Variants in INF2 observed in about 807,000 individuals in gnomAD.
INF2 encodes the protein inverted formin 2, also known as inverted formin-2.
INF2 carries 43 observed loss-of-function variants against 123.5 expected under a neutral mutation model. The ratio of observed to expected loss-of-function variants is 0.35; its 90% confidence interval spans 0.27 to 0.45. The LOEUF (loss-of-function observed/expected upper bound fraction) is 0.45. Among genes scored for constraint, INF2 ranks in the 20% least tolerant of loss-of-function variants. The probability of loss-of-function intolerance (pLI) is 1.00; values close to 1 mark genes in which losing one functional copy is unlikely to be tolerated. For missense variants in INF2, 1,453 were observed against 1,682.7 expected (o/e 0.86, Z 2.39); for synonymous variants, 851 against 745.0 (o/e 1.14, Z -2.32).
At position 104,681,469 on chromosome 14, in the gene INF2, C is replaced by T. The variant is rs1460500794; in HGVS notation, c.-217C>T. 3.8e-5 allele frequency: 32 copies of T among 833,640 alleles called. No individual in the cohort carries two copies. The Admixed American group carries it at 7.0e-4, about 18-fold the overall frequency. The allele number at this position is 833,640 out of a possible 1,614,324, so 51.6% of individuals were successfully genotyped here. On this transcript the variant is annotated 5_prime_UTR_variant, in exon 1 of 3. Coordinates refer to the INF2 transcript ENST00000674723. Reference sequence around the variant, plus strand: ...CGTCTAGGAGGCCTGATGTAGAAAGCACTCAGCTAAGCCCTAGTTACCGGC... The same window carrying T: ...CGTCTAGGAGGCCTGATGTAGAAAGTACTCAGCTAAGCCCTAGTTACCGGC...
chr14:104,691,227 ACT>A (rs1456967986), intron 1 of INF2: 2 of 152,098 alleles, frequency 1.3e-5, no homozygotes, highest in African/African-American at 2.4e-5. Context: ...CCTGAAATAG[ACT>A]CTGCGCCTTC....
In INF2 at chr14:104,715,333, C is replaced by T. The variant is rs765432583; in HGVS notation, c.3744C>T (p.Ile1248=). 104 of 1,613,390 alleles carry T rather than the reference C, an allele frequency of 6.4e-5. 2 individuals carry two copies. Among genetic ancestry groups the T allele is most frequent in the East Asian group, 3.6e-4 (16 of 44,882 alleles). The change falls in exon 22 of 23, where the codon ATC becomes ATT. Residue 1248 remains isoleucine, a synonymous_variant. Coordinates refer to ENST00000392634, the MANE Select transcript of INF2 (RefSeq NM_022489.4). ...ATAAAACAAAGAAACTGTGTGTGAT[C>T]CAGTAAGGTATGTACGCAGCCGGCG... ...DDNKTKKLCV[I]Q
intron 12 of INF2, 144 bp downstream of exon 12, chr14:104,709,849 C>G: frequency 1.3e-6 from 1 of 771,458 alleles, no homozygotes; most frequent in Non-Finnish European, 2.2e-6. Flanking sequence ...AGCGGTTGGG[C>G]TTCTAAACAT....
chr14:104,704,301 C>A, intron 5 of INF2: 1 of 684,680 alleles, frequency 1.5e-6, no homozygotes, highest in Non-Finnish European at 2.2e-6. Context: ...GGGTGGTTCA[C>A]GTGGACGCAA....
rs554232101 is a variant in INF2, at chr14:104,704,085, C to G, written c.701+136C>G. ...GGGAGGTGGCTCCCTCGGAGTAACC[C>G]CAGGGGTCCAGCCAGAAGCCAGGTC... On this transcript the variant is annotated intron_variant, in intron 5 of 22. Coordinates refer to ENST00000392634, the MANE Select transcript of INF2 (RefSeq NM_022489.4). 4.3e-4 allele frequency: 646 copies of G among 1,514,942 alleles called. 4 individuals carry two copies. In the South Asian group the frequency reaches 6.4e-3, roughly 15 times the overall value. The allele number at this position is 1,514,942 out of a possible 1,614,324, so 93.8% of individuals were successfully genotyped here.
Position 104,703,121 on chromosome 14 carries a change from C to T in INF2, c.408C>T (p.Asn136=), listed in dbSNP as rs767069639. The part of the protein sequence containing the change: ...RQLSQALDTS[N]VMVKKQVFEL... ...CCCTGGCAGCCCTGGACACATCCAACGTGATGGTGAAGAAGCAGGTGTTTG... is the reference window on the plus strand; with the variant it reads ...CCCTGGCAGCCCTGGACACATCCAATGTGATGGTGAAGAAGCAGGTGTTTG... The change falls in exon 3 of 23, where the codon AAC becomes AAT. Residue 136 remains asparagine, a synonymous_variant. Transcript: ENST00000392634. 1.4e-5 allele frequency: 23 copies of T among 1,613,394 alleles called. No homozygotes were observed. Among genetic ancestry groups the T allele is most frequent in the East Asian group, 8.9e-5 (4 of 44,896 alleles).
chr14:104,703,262 C>T (rs1566778608), intron 3 of INF2, 33 bp from the exon 4 acceptor site: 1 of 1,612,942 alleles, frequency 6.2e-7, no homozygotes, highest in Non-Finnish European at 8.5e-7. Flanking sequence ...GGGCTCCCTG[C>T]CTGGGTGTGC....
chr14:104,710,907 G>T (rs774214190), intron 13 of INF2, 30 bp from the exon 14 acceptor site: 2 of 1,605,584 alleles, frequency 1.2e-6, no homozygotes, highest in South Asian at 2.2e-5. Context: ...CGAACCAAGA[G>T]CCCCTCTCCA....
exon 1 of INF2, chr14:104,681,187 G>A: frequency 5.9e-5 from 19 of 320,036 alleles, no homozygotes; most frequent in South Asian, 5.0e-4. Context: ...TATGCAGGAG[G>A]AAATGGGGCG....
At chr14:104,710,693 A>G (rs1442741737) in intron 13 of INF2, 1 of 572,492 alleles carries the variant, frequency 1.7e-6, no homozygotes, top group Non-Finnish European at 3.1e-6. Flanking sequence ...CTGGGCAGGG[A>G]GAGGGACAGG....
intron 12 of INF2, 108 bp downstream of exon 12, chr14:104,709,813 G>A: frequency 1.0e-6 from 1 of 989,870 alleles, no homozygotes; most frequent in Non-Finnish European, 1.6e-6. Flanking sequence ...GCCAATGGCT[G>A]CCCCGGGCTC....
At chr14:104,712,372 C>G in intron 16 of INF2, 61 bp from the exon 17 acceptor site, 2 of 1,605,852 alleles carry the variant, frequency 1.2e-6, no homozygotes, top group Non-Finnish European at 8.5e-7. Flanking sequence ...AGGGGCTCCC[C>G]TGTCCCAGCG....
Position 104,701,404 on chromosome 14 carries a change from G to C in INF2, c.39G>C (p.Ala13=). The C allele has an allele frequency of 1.3e-6, 2 of 1,593,642 alleles. No homozygotes were observed. Among genetic ancestry groups the C allele is most frequent in the Middle Eastern group, 1.7e-4 (1 of 5,926 alleles). The part of the protein sequence containing the change: ...VKEGAQRKWA[A]LKEKLGPQDS... Reference sequence around the variant, plus strand: ...AGGGCGCACAGCGCAAGTGGGCAGCGCTGAAGGAGAAGCTGGGGCCACAGG... The same window carrying C: ...AGGGCGCACAGCGCAAGTGGGCAGCCCTGAAGGAGAAGCTGGGGCCACAGG... Residue 13 remains alanine, a synonymous_variant, in exon 2 of 23, where the codon GCG becomes GCC. Coordinates refer to ENST00000392634, the MANE Select transcript of INF2 (RefSeq NM_022489.4).
Position 104,701,607 on chromosome 14 carries a change from T to A in INF2, c.242T>A (p.Leu81Gln). 6.2e-7 allele frequency: 1 copy of A among 1,605,082 alleles called. No homozygotes were observed. Among genetic ancestry groups the A allele is most frequent in the Non-Finnish European group, 8.5e-7 (1 of 1,178,236 alleles). Reference sequence around the variant, plus strand: ...GGCCTGGACCTGCTGCTGGAGGCGCTGGCGCGGCTGTCGGGCCGCGGCGTT... The same window carrying A: ...GGCCTGGACCTGCTGCTGGAGGCGCAGGCGCGGCTGTCGGGCCGCGGCGTT... Reference protein sequence around the residue: ...QSGLDLLLEALARLSGRGVAR... With the variant: ...QSGLDLLLEAQARLSGRGVAR... Residue 81 changes from leucine (L) to glutamine (Q), a missense_variant, in exon 2 of 23, where the codon CTG becomes CAG. Leu to Gln is a moderately radical substitution (Grantham distance 113). This residue lies in a region of INF2 where 251 missense variants were observed against 349.4 expected (regional missense o/e 0.72). Coordinates refer to ENST00000392634, the MANE Select transcript of INF2 (RefSeq NM_022489.4).
At chr14:104,713,030 AGT>A in intron 18 of INF2, 38 bp downstream of exon 18, 5 of 1,610,986 alleles carry the variant, frequency 3.1e-6, no homozygotes, top group Non-Finnish European at 4.2e-6. Flanking sequence ...GTCTGGCTAG[AGT>A]GGGGTCCCGA....
At chr14:104,683,064 A>G (rs1332542816) in intron 1 of INF2, among the ~76,000 whole-genome samples, 1 of 152,092 alleles carries the variant, frequency 6.6e-6, no homozygotes, top group East Asian at 1.9e-4. Context: ...AAGTGCTGGG[A>G]TTACAGGCGT....
In INF2 at chr14:104,714,557, A is replaced by G; in HGVS notation, c.3395A>G (p.Lys1132Arg). The G allele has an allele frequency of 6.2e-7, 1 of 1,612,744 alleles. No homozygotes were observed. The highest frequency in any genetic ancestry group is 8.5e-7 in the Non-Finnish European group (1 of 1,179,878). Residue 1132 changes from lysine (K) to arginine (R), a missense_variant, in exon 21 of 23, where the codon AAG (lysine) becomes AGG (arginine). Physicochemically the swap from Lys to Arg is conservative, Grantham distance 26. Coordinates refer to ENST00000392634, the MANE Select transcript of INF2 (RefSeq NM_022489.4). ...GCCGGAAGTTCAAGGCAAGATGCCA[A>G]GGATCCCACGTCCTTGCTGGGCGTC... ...PAAGSSRQDAKDPTSLLGVLQ... is the reference protein window; with the variant it reads ...PAAGSSRQDARDPTSLLGVLQ...
chr14:104,688,781 T>G (rs1888773054), upstream of INF2, among the ~76,000 whole-genome samples: 1 of 152,186 alleles, frequency 6.6e-6, no homozygotes, highest in African/African-American at 2.4e-5. Flanking sequence ...GGTGCGCTGC[T>G]TCCTGCAGCT....
In INF2 at chr14:104,709,222, G is replaced by A; in HGVS notation, c.1950-59G>A. The A allele has an allele frequency of 2.9e-6, 4 of 1,365,232 alleles. No individual in the cohort carries two copies. The East Asian group carries it at 9.5e-5, about 32-fold the overall frequency. 84.6% of individuals were successfully genotyped at this position (1,365,232 alleles called of 1,614,324 possible). ...ACCCTGCCAGGTGGGGTCCCAAAGA[G>A]GCTGGGTGGGGGTGACTCATGATTC... On this transcript the variant is annotated intron_variant, in intron 10 of 22. Coordinates refer to ENST00000392634, the MANE Select transcript of INF2 (RefSeq NM_022489.4).
Sources: allele counts gnomAD v4.1 joint callset (sites outside exome capture counted in the v4.1 genomes callset), GRCh38; gene constraint gnomAD v4.1.1; regional missense constraint gnomAD v4.1.1; transcripts MANE v1.5; gene names NCBI Gene and HGNC (gene_info 2026-07-23, HGNC 2026-07-21).